SHANK2: variants seen among roughly 807,000 people sequenced by gnomAD.
SHANK2 encodes the protein SH3 and multiple ankyrin repeat domains 2.
In SHANK2, 43 loss-of-function variants were observed where a neutral mutation model predicts 133.7. That is an observed-to-expected ratio of 0.32 (90% CI 0.25 to 0.41). SHANK2 has a LOEUF of 0.41. SHANK2 is among the 10% of genes least tolerant of loss of function. The probability of loss-of-function intolerance (pLI) is 1.00; values close to 1 mark genes in which losing one functional copy is unlikely to be tolerated. For synonymous variants in SHANK2, 1,017 were observed against 952.8 expected, an observed-to-expected ratio of 1.07 and a Z score of -1.24; for missense variants, 1,994 against 2,235.8, an observed-to-expected ratio of 0.89 and a Z score of 2.18.
At chr11:70,489,539 A>G in intron 23 of SHANK2, 191 bp from the exon 24 acceptor site, 1 of 655,116 alleles carries the variant, frequency 1.5e-6, no homozygotes, top group Non-Finnish European at 2.8e-6. Flanking sequence ...ACAGCAGCCC[A>G]GAGGCATTTC....
At chr11:71,234,156 G>A (rs1419803254) in intron 1 of SHANK2, among the ~76,000 whole-genome samples, 6 of 122,186 alleles carry the variant, frequency 4.9e-5, no homozygotes, top group African/African-American at 9.9e-5. Context: ...GACCAGCCTG[G>A]CCAACATAGT....
At chr11:71,070,453 C>T (rs942998464) in intron 9 of SHANK2, among the ~76,000 whole-genome samples, 12 of 152,190 alleles carry the variant, frequency 7.9e-5, no homozygotes, top group Non-Finnish European at 1.5e-4. Context: ...GCATTTCTAC[C>T]CAGACAGAAG....
rs1044357991 is a variant in SHANK2, at chr11:70,468,064, T to C, written c.*4805A>G. The C allele has an allele frequency of 3.3e-5, 5 of 152,650 alleles. No individual in the cohort carries two copies. Among genetic ancestry groups the C allele is most frequent in the African/African-American group, 9.6e-5 (4 of 41,464 alleles). 9.5% of individuals were successfully genotyped at this position (152,650 alleles called of 1,614,324 possible). A position where few individuals can be genotyped will look rare whatever the true frequency, so the allele number is the denominator to read the frequency against. On this transcript the variant is annotated 3_prime_UTR_variant, in exon 26 of 26. Coordinates refer to ENST00000601538, the MANE Select transcript of SHANK2 (RefSeq NM_012309.5). ...GCTACATTAATACATTGAAGATATA[T>C]TTATCCTTTCATGAAAGATACAGCA...
intron 2 of SHANK2, among the ~76,000 whole-genome samples, chr11:71,189,997 G>A (rs1953759271): frequency 6.6e-6 from 1 of 152,238 alleles, no homozygotes; most frequent in South Asian, 2.1e-4. Context: ...CCAGTAGCAT[G>A]GTGAAGAGCA....
chr11:70,679,363 A>G (rs1395815578), intron 15 of SHANK2, among the ~76,000 whole-genome samples: 2 of 152,142 alleles, frequency 1.3e-5, no homozygotes, highest in Non-Finnish European at 1.5e-5. Flanking sequence ...GCCTGTTCCC[A>G]CCACCAGCAG....
intron 24 of SHANK2, among the ~76,000 whole-genome samples, chr11:70,488,152 C>T (rs970590014): frequency 6.6e-6 from 1 of 152,180 alleles, no homozygotes; most frequent in Non-Finnish European, 1.5e-5. Context: ...GTTGGCTAGA[C>T]CAGGAGGTAT....
At chr11:70,729,215 A>T (rs1946232468) in intron 14 of SHANK2, among the ~76,000 whole-genome samples, 1 of 151,898 alleles carries the variant, frequency 6.6e-6, no homozygotes, top group Non-Finnish European at 1.5e-5. Context: ...TTAAAAAAAA[A>T]AAAAGAAGAA....
At chr11:70,526,217 C>T (rs1026425633) in intron 17 of SHANK2, among the ~76,000 whole-genome samples, 8 of 152,230 alleles carry the variant, frequency 5.3e-5, no homozygotes, top group African/African-American at 1.4e-4. Context: ...GCTAAGCAAG[C>T]GCTGGCCTTG....
intron 3 of SHANK2, among the ~76,000 whole-genome samples, chr11:71,131,826 G>A (rs11232177): frequency 0.26 from 39,754 of 152,092 alleles, 6,484 homozygotes; most frequent in East Asian, 0.49. Flanking sequence ...AGCCTGGCTC[G>A]TAAGCATGTT....
At chr11:70,808,652 T>C (rs1200048912) in intron 12 of SHANK2, among the ~76,000 whole-genome samples, 2 of 151,346 alleles carry the variant, frequency 1.3e-5, no homozygotes, top group African/African-American at 4.9e-5. Context: ...GGAGGATTGC[T>C]TGTGGCCAGG....
intron 14 of SHANK2, among the ~76,000 whole-genome samples, chr11:70,709,790 G>A (rs1019097750): frequency 2.0e-5 from 3 of 152,056 alleles, no homozygotes; most frequent in Non-Finnish European, 4.4e-5. Flanking sequence ...GAGCCCTGGC[G>A]AGCGAGTCCA....
chr11:70,728,400 CA>C (rs1555031237), intron 14 of SHANK2, among the ~76,000 whole-genome samples: 1 of 152,212 alleles, frequency 6.6e-6, no homozygotes, highest in Non-Finnish European at 1.5e-5. Flanking sequence ...TGGTAGAAGG[CA>C]GCCCCCTTAC....
chr11:71,230,589 T>C (rs1398863197), intron 1 of SHANK2, among the ~76,000 whole-genome samples: 2 of 145,240 alleles, frequency 1.4e-5, no homozygotes, highest in Non-Finnish European at 3.0e-5. Context: ...AAAGAAAGTA[T>C]ATGGAAAGGC....
At chr11:70,891,457 G>A (rs999868077) in intron 11 of SHANK2, among the ~76,000 whole-genome samples, 11 of 152,128 alleles carry the variant, frequency 7.2e-5, no homozygotes, top group Non-Finnish European at 1.0e-4. Context: ...AGCCGAGATC[G>A]CGCCACTGCA....
chr11:70,556,805 T>A (rs1453501914), intron 17 of SHANK2, among the ~76,000 whole-genome samples: 3 of 152,170 alleles, frequency 2.0e-5, no homozygotes, highest in Non-Finnish European at 2.9e-5. Context: ...TTGACCAGGC[T>A]GGTCTCTAAC....
At chr11:70,771,383 G>C (rs571190983) in intron 14 of SHANK2, among the ~76,000 whole-genome samples, 1 of 152,326 alleles carries the variant, frequency 6.6e-6, no homozygotes, top group African/African-American at 2.4e-5. Context: ...GGGTCCCTGG[G>C]CGCCTGACCC....
chr11:70,846,295 G>A (rs868926662), intron 11 of SHANK2, among the ~76,000 whole-genome samples: 2 of 151,960 alleles, frequency 1.3e-5, no homozygotes, highest in South Asian at 4.2e-4. Context: ...ACACGGTCTC[G>A]CTCGGTCGCT....
intron 10 of SHANK2, among the ~76,000 whole-genome samples, chr11:70,903,453 A>G (rs532148344): frequency 1.4e-5 from 2 of 143,792 alleles, no homozygotes; most frequent in South Asian, 2.2e-4. Context: ...AATAAAATAA[A>G]ATAGCATTAT....
At chr11:70,590,419 T>A (rs1554987757) in intron 17 of SHANK2, among the ~76,000 whole-genome samples, 1 of 152,234 alleles carries the variant, frequency 6.6e-6, no homozygotes, top group African/African-American at 2.4e-5. Flanking sequence ...ATTCTGAGAA[T>A]TTCTGCTGTG....
Sources: gnomAD v4.1 joint callset for allele counts (sites outside exome capture counted in the v4.1 genomes callset) on GRCh38, gnomAD v4.1.1 for gene constraint, MANE v1.5 for transcripts, NCBI Gene and HGNC (gene_info 2026-07-23, HGNC 2026-07-21) for gene names.